Variants in SEC11A observed in about 807,000 individuals in gnomAD.
SEC11A encodes the protein signal peptidase complex catalytic subunit SEC11A.
Under a neutral mutation model 25.6 loss-of-function variants are expected in SEC11A, and 14 were observed. That is an observed-to-expected ratio of 0.55 (90% CI 0.36 to 0.85). The LOEUF is 0.85. Among genes scored for constraint, SEC11A ranks in the 40% least tolerant of loss-of-function variants. The pLI, the probability that SEC11A is intolerant of heterozygous loss-of-function variation, is 0.01. For missense variants in SEC11A, 153 were observed against 222.9 expected (o/e 0.69, Z 2.00); for synonymous variants, 83 against 76.4 (o/e 1.09, Z -0.45).
intron 3 of SEC11A, 124 bp from the exon 4 acceptor site, chr15:84,680,956 A>C: frequency 1.3e-6 from 1 of 749,046 alleles, no homozygotes; most frequent in Non-Finnish European, 2.1e-6. Context: ...CTAGTGTCGA[A>C]ATAATTATTT....
At chr15:84,670,369 T>C in intron 5 of SEC11A, 1 of 295,870 alleles carries the variant, frequency 3.4e-6, no homozygotes, top group Non-Finnish European at 6.4e-6. Flanking sequence ...CCCCAGTAGC[T>C]GGGATTACAG....
At chr15:84,679,968 A>T (rs1897242876) in intron 4 of SEC11A, 1 of 1,527,476 alleles carries the variant, frequency 6.5e-7, no homozygotes, top group Admixed American at 2.0e-5. Flanking sequence ...TCCTGATAAA[A>T]TCTGAAACAA....
In SEC11A at chr15:84,701,703, A is replaced by G. The variant is rs189271915; in HGVS notation, c.52-10059T>C. ...GAAAGAAAAAAAGAGAAAAACACAT[A>G]TCATGCTTACATTAATCAAAAGAAA... On this transcript the variant is annotated intron_variant, in intron 1 of 5. Transcript: ENST00000268220. Among the ~76,000 whole-genome samples, 266 of 152,328 alleles carry G rather than the reference A, an allele frequency of 1.7e-3. 1 individual carries two copies. The highest frequency in any genetic ancestry group is 6.2e-3 in the African/African-American group (258 of 41,572).
At position 84,679,324 on chromosome 15, in the gene SEC11A, A is replaced by G. The variant is rs1400660476; in HGVS notation, c.431+1389T>C. ...TATAAAAGTATTTTTAGCTCCATCA[A>G]AGGAAAAGTTCCTTAAAGCGGGGAC... On this transcript the variant is annotated intron_variant, in intron 4 of 5. Coordinates refer to ENST00000268220, the MANE Select transcript of SEC11A (RefSeq NM_014300.4). 15 of 958,114 alleles carry G rather than the reference A, an allele frequency of 1.6e-5. No individual in the cohort carries two copies. The East Asian group carries it at 3.1e-4, about 20-fold the overall frequency. The allele number at this position is 958,114 out of a possible 1,614,324, so 59.4% of individuals were successfully genotyped here. A position where few individuals can be genotyped will look rare whatever the true frequency, so the allele number is the denominator to read the frequency against.
In SEC11A at chr15:84,670,060, G is replaced by C; in HGVS notation, c.499C>G (p.Leu167Val). The change falls in exon 6 of 6, where the codon CTC (leucine) becomes GTC (valine). Residue 167 changes from leucine to valine, a missense_variant. Physicochemically the swap from Leu to Val is conservative, Grantham distance 32 (BLOSUM62 1). Transcript: ENST00000268220. ...NDYPKFKYAVLFLLGLFVLVH... is the reference protein window; with the variant it reads ...NDYPKFKYAVVFLLGLFVLVH... Reference sequence around the variant, plus strand: ...AGCACGAATAAACCCAGCAAAAAGAGAACTGCATACTAGAAAATAAACACA... The same window carrying C: ...AGCACGAATAAACCCAGCAAAAAGACAACTGCATACTAGAAAATAAACACA... 1 of 1,613,116 alleles carries C rather than the reference G, an allele frequency of 6.2e-7. No individual in the cohort carries two copies. Among genetic ancestry groups the C allele is most frequent in the Non-Finnish European group, 8.5e-7 (1 of 1,179,554 alleles).
At chr15:84,694,312 AC>A (rs1439038608) in intron 1 of SEC11A, among the ~76,000 whole-genome samples, 3 of 151,926 alleles carry the variant, frequency 2.0e-5, no homozygotes, top group Non-Finnish European at 4.4e-5. Flanking sequence ...CTGAGATCGC[AC>A]CACTGCACTC....
intron 1 of SEC11A, among the ~76,000 whole-genome samples, chr15:84,713,726 C>T (rs181859913): frequency 8.9e-4 from 136 of 152,278 alleles, no homozygotes; most frequent in African/African-American, 3.2e-3. Context: ...AGGAAGAGTA[C>T]CTTATATATC....
In SEC11A at chr15:84,683,421, AAACT is replaced by A. The variant is rs566229957; in HGVS notation, c.312-2593_312-2590del. Among the ~76,000 whole-genome samples, 1,240 of 139,722 alleles carry A rather than the reference AAACT, an allele frequency of 8.9e-3. 16 individuals carry two copies. The highest frequency in any genetic ancestry group is 0.031 in the African/African-American group (1,127 of 35,836). The allele number at this position is 139,722 out of a possible 152,430, so 91.7% of individuals were successfully genotyped here. A position where few individuals can be genotyped will look rare whatever the true frequency, so the allele number is the denominator to read the frequency against. Reference sequence around the variant, plus strand: ...CAAACAAACAAACAAACAAACAAACAAACTAACTAACACACCCAATTTCCCCTTC... The same window carrying A: ...CAAACAAACAAACAAACAAACAAACAAACTAACACACCCAATTTCCCCTTC... On this transcript the variant is annotated intron_variant, in intron 3 of 5. Coordinates refer to ENST00000268220, the MANE Select transcript of SEC11A (RefSeq NM_014300.4).
At chr15:84,687,880 T>C (rs1398635507) in intron 2 of SEC11A, 106 bp from the exon 3 acceptor site, 1 of 891,338 alleles carries the variant, frequency 1.1e-6, no homozygotes, top group Non-Finnish European at 1.7e-6. Flanking sequence ...GGGAGTATAC[T>C]CAATACCCTA....
chr15:84,675,705 A>C (rs1417080644), intron 4 of SEC11A, among the ~76,000 whole-genome samples: 1 of 152,042 alleles, frequency 6.6e-6, no homozygotes. Context: ...CACCCTTTTC[A>C]CCTGCTGCTT....
chr15:84,672,062 A>C (rs1331596670), intron 4 of SEC11A: 1 of 152,360 alleles, frequency 6.6e-6, no homozygotes. Context: ...GTGGAGGCTG[A>C]CCTTTGCACA....
rs1897611423 is a variant in SEC11A at position 84,691,664 on chromosome 15, G to A, written c.52-20C>T. ...ATAGAGCTGCAAGAACAAAACAGAAGAGATCAGATCCACCATTATCCCCAC... is the reference window on the plus strand; with the variant it reads ...ATAGAGCTGCAAGAACAAAACAGAAAAGATCAGATCCACCATTATCCCCAC... On this transcript the variant is annotated intron_variant, in intron 1 of 5. Coordinates refer to ENST00000268220, the MANE Select transcript of SEC11A (RefSeq NM_014300.4). 3.6e-6 allele frequency: 5 copies of A among 1,407,370 alleles called. No individual in the cohort carries two copies. The African/African-American group carries it at 5.7e-5, about 16-fold the overall frequency. The allele number at this position is 1,407,370 out of a possible 1,614,324, so 87.2% of individuals were successfully genotyped here. A position where few individuals can be genotyped will look rare whatever the true frequency, so the allele number is the denominator to read the frequency against.
intron 3 of SEC11A, among the ~76,000 whole-genome samples, chr15:84,684,470 G>A (rs980405364): frequency 1.3e-5 from 2 of 152,058 alleles, no homozygotes; most frequent in Admixed American, 1.3e-4. Context: ...CAGCCATGTG[G>A]AACTGTGAGT....
At position 84,687,863 on chromosome 15, in the gene SEC11A, T is replaced by A. The variant is rs999410255; in HGVS notation, c.162-89A>T. The A allele has an allele frequency of 9.7e-6, 11 of 1,139,796 alleles. No homozygotes were observed. In the Admixed American group the frequency reaches 3.0e-4, roughly 31 times the overall value. The allele number at this position is 1,139,796 out of a possible 1,614,324, so 70.6% of individuals were successfully genotyped here. A position where few individuals can be genotyped will look rare whatever the true frequency, so the allele number is the denominator to read the frequency against. ...TAGATATTCAACAAAATAAAAAATA[T>A]CACTTTGGGAGTATACTCAATACCC... On this transcript the variant is annotated intron_variant, in intron 2 of 5. Transcript: ENST00000268220.
intron 1 of SEC11A, among the ~76,000 whole-genome samples, chr15:84,699,389 A>T (rs1897860825): frequency 6.6e-6 from 1 of 152,004 alleles, no homozygotes; most frequent in Non-Finnish European, 1.5e-5. Context: ...AGTTAAAGAG[A>T]CCAAATTTAC....
Position 84,687,671 on chromosome 15 carries a change from C to T in SEC11A, c.265G>A (p.Gly89Arg). The T allele has an allele frequency of 6.3e-7, 1 of 1,598,760 alleles. No individual in the cohort carries two copies. Among genetic ancestry groups the T allele is most frequent in the South Asian group, 1.1e-5 (1 of 87,436 alleles). Residue 89 changes from glycine (G) to arginine (R), a missense_variant, in exon 3 of 6, where the codon GGA becomes AGA. Transcript: ENST00000268220. ...CGGTGAACTATAGGAATCTCTCTTC[C>T]TTCTATCCTAAAAACAACAATTTCT... ...VGEIVVFRIE[G>R]REIPIVHRVL...
intron 1 of SEC11A, among the ~76,000 whole-genome samples, chr15:84,713,193 CAA>C (rs776219142): frequency 1.4e-4 from 8 of 58,182 alleles, no homozygotes; most frequent in Admixed American, 1.8e-4. Flanking sequence ...GACTCCGTCT[CAA>C]AAAAAAAAAA....
chr15:84,691,448 G>A (rs928449293), intron 2 of SEC11A, 87 bp downstream of exon 2: 2 of 726,078 alleles, frequency 2.8e-6, no homozygotes, highest in Non-Finnish European at 2.4e-6. Context: ...TAGTTTCTAA[G>A]AGAATGATAT....
At chr15:84,706,020 T>G (rs1898083804) in intron 1 of SEC11A, among the ~76,000 whole-genome samples, 1 of 151,550 alleles carries the variant, frequency 6.6e-6, no homozygotes, top group Admixed American at 6.6e-5. Flanking sequence ...CATGCGATTC[T>G]CCTGCCTCTA....
Sources: allele counts gnomAD v4.1 joint callset (sites outside exome capture counted in the v4.1 genomes callset), GRCh38; gene constraint gnomAD v4.1.1; transcripts MANE v1.5; gene names NCBI Gene and HGNC (gene_info 2026-07-23, HGNC 2026-07-21).